Variants in ARHGAP28 observed in about 807,000 individuals in gnomAD.
The protein encoded by ARHGAP28 is rho GTPase-activating protein 28.
Under a neutral mutation model 90.7 loss-of-function variants are expected in ARHGAP28, and 56 were observed. The observed-to-expected ratio is 0.62, with a 90% confidence interval of 0.50 to 0.77. The LOEUF (loss-of-function observed/expected upper bound fraction) is 0.77. Ranked by LOEUF, ARHGAP28 falls within the 30% of genes least tolerant of loss-of-function variation. ARHGAP28 has a pLI of 0.00. For missense variants in ARHGAP28, 869 were observed against 900.9 expected (o/e 0.96, Z 0.45); for synonymous variants, 308 against 323.3 (o/e 0.95, Z 0.51).
intron 1 of ARHGAP28, among the ~76,000 whole-genome samples, chr18:6,818,710 T>TGGGGAGAAAGAAGGTTGC (rs1182742680): frequency 6.6e-6 from 1 of 152,102 alleles, no homozygotes; most frequent in East Asian, 1.9e-4. Flanking sequence ...AGAAATTGCT[T>TGGGGAGAAAGAAGGTTGC]GGGGAGAAAG....
chr18:6,816,416 A>T (rs2056591015), intron 1 of ARHGAP28, among the ~76,000 whole-genome samples: 3 of 152,196 alleles, frequency 2.0e-5, no homozygotes, highest in Admixed American at 1.3e-4. Context: ...GTGGAACTGG[A>T]CTGTGCCAGG....
At chr18:6,759,116 C>T (rs994144981) in intron 1 of ARHGAP28, among the ~76,000 whole-genome samples, 1 of 152,054 alleles carries the variant, frequency 6.6e-6, no homozygotes, top group Non-Finnish European at 1.5e-5. Flanking sequence ...ATTATTTCAC[C>T]GTTGATACCT....
chr18:6,747,681 G>GA (rs1262882737), intron 1 of ARHGAP28, among the ~76,000 whole-genome samples: 9 of 152,250 alleles, frequency 5.9e-5, no homozygotes, highest in African/African-American at 1.9e-4. Flanking sequence ...CTTCCCCACA[G>GA]AAAAAATACC....
At chr18:6,837,078 AT>A (rs2056759350) in intron 2 of ARHGAP28, 118 bp from the exon 3 acceptor site, 8 of 743,988 alleles carry the variant, frequency 1.1e-5, no homozygotes, top group Non-Finnish European at 1.5e-5. Flanking sequence ...GTTCTTTCCC[AT>A]AATTACTGTA....
rs35080791 is a variant in ARHGAP28 at position 6,849,252 on chromosome 18, CAAA to C, written c.544-1761_544-1759del. 4.9e-3 allele frequency among the ~76,000 whole-genome samples: 433 copies of C among 88,218 alleles called. 3 individuals are homozygous for C. The highest frequency in any genetic ancestry group is 0.015 in the African/African-American group (361 of 23,766). 57.9% of individuals were successfully genotyped at this position (88,218 alleles called of 152,430 possible). A position where few individuals can be genotyped will look rare whatever the true frequency, so the allele number is the denominator to read the frequency against. ...CAGACTGGGTGACAAGACCTTGTCT[CAAA>C]AAAAAAAAAAAAAAAAAAAAGTTAA... On this transcript the variant is annotated intron_variant, in intron 3 of 17. Coordinates refer to ENST00000383472, the MANE Select transcript of ARHGAP28 (RefSeq NM_001366230.1).
intron 1 of ARHGAP28, among the ~76,000 whole-genome samples, chr18:6,773,316 A>G (rs1464013737): frequency 6.6e-6 from 1 of 152,166 alleles, no homozygotes; most frequent in Non-Finnish European, 1.5e-5. Context: ...TACATAATGT[A>G]ATTTTGGAGA....
At chr18:6,827,042 T>G (rs996002546) in intron 2 of ARHGAP28, among the ~76,000 whole-genome samples, 10 of 152,140 alleles carry the variant, frequency 6.6e-5, no homozygotes, top group Admixed American at 2.0e-4. Context: ...GGCAGAAGAA[T>G]TTATCTTAGT....
chr18:6,765,599 TAC>T (rs1435286634), intron 1 of ARHGAP28, among the ~76,000 whole-genome samples: 3 of 152,128 alleles, frequency 2.0e-5, no homozygotes, highest in Non-Finnish European at 4.4e-5. Flanking sequence ...TTTGCCTGCT[TAC>T]AGTTTCATTG....
At chr18:6,895,296 T>C (rs1740478851) in intron 15 of ARHGAP28, among the ~76,000 whole-genome samples, 1 of 152,104 alleles carries the variant, frequency 6.6e-6, no homozygotes, top group Non-Finnish European at 1.5e-5. Flanking sequence ...TCCCTCGGTA[T>C]CTTTTCCTGA....
In ARHGAP28 at chr18:6,843,248, G is replaced by A. The variant is rs927508375; in HGVS notation, c.543+5834G>A. Among the ~76,000 whole-genome samples, 5 of 152,162 alleles carry A rather than the reference G, an allele frequency of 3.3e-5. No individual in the cohort carries two copies. The East Asian group carries it at 5.8e-4, about 18-fold the overall frequency. On this transcript the variant is annotated intron_variant, in intron 3 of 17. Coordinates refer to ENST00000383472, the MANE Select transcript of ARHGAP28 (RefSeq NM_001366230.1). ...CTACAACACCCTCACTGGGACAGCC[G>A]CCACTGCCACCGAGGCAGGTGTCAC...
chr18:6,899,478 T>C (rs2057326836), intron 16 of ARHGAP28, among the ~76,000 whole-genome samples: 1 of 152,002 alleles, frequency 6.6e-6, no homozygotes, highest in Admixed American at 6.6e-5. Context: ...GGTAAAGAGG[T>C]GGCCTAACCA....
chr18:6,832,254 G>A (rs1346988551), intron 2 of ARHGAP28, among the ~76,000 whole-genome samples: 2 of 151,814 alleles, frequency 1.3e-5, no homozygotes, highest in African/African-American at 2.4e-5. Flanking sequence ...TGATTTCTAA[G>A]TAAATTGTGT....
In ARHGAP28 at chr18:6,910,991, C is replaced by G. The variant is rs374451605; in HGVS notation, c.2096-1069C>G. Among the ~76,000 whole-genome samples, 485 of 152,004 alleles carry G rather than the reference C, an allele frequency of 3.2e-3. 7 individuals carry two copies. The highest frequency in any genetic ancestry group is 0.011 in the African/African-American group (458 of 41,438). Reference sequence around the variant, plus strand: ...TCCGGAGTAGCTGGGATTACAGGCGCCCATCACCACGCCCGGCTAATTTTG... The same window carrying G: ...TCCGGAGTAGCTGGGATTACAGGCGGCCATCACCACGCCCGGCTAATTTTG... On this transcript the variant is annotated intron_variant, in intron 17 of 17. Coordinates refer to ENST00000383472, the MANE Select transcript of ARHGAP28 (RefSeq NM_001366230.1).
chr18:6,742,169 C>CTTT (rs554288921), intron 1 of ARHGAP28, among the ~76,000 whole-genome samples: 186 of 138,730 alleles, frequency 1.3e-3, no homozygotes, highest in Middle Eastern at 7.4e-3. Context: ...TTTTCTTTTT[C>CTTT]TTTTTTTTTT....
At chr18:6,899,917 T>A (rs2143809627) in intron 16 of ARHGAP28, among the ~76,000 whole-genome samples, 1 of 152,112 alleles carries the variant, frequency 6.6e-6, no homozygotes, top group African/African-American at 2.4e-5. Context: ...GGTTAGGATG[T>A]GGGAACAATT....
intron 6 of ARHGAP28, 98 bp downstream of exon 6, chr18:6,868,332 A>G: frequency 9.4e-7 from 1 of 1,064,494 alleles, no homozygotes; most frequent in Non-Finnish European, 1.4e-6. Flanking sequence ...GCGAAGTATA[A>G]GTGTGCTTTT....
rs113575935 is a variant in ARHGAP28, at chr18:6,876,075, A to G, written c.1213-56A>G. ...TTCATGTCATCATTGTTACTGTTTCATATGTTTATGATCATATAGAGGTAC... is the reference window on the plus strand; with the variant it reads ...TTCATGTCATCATTGTTACTGTTTCGTATGTTTATGATCATATAGAGGTAC... On this transcript the variant is annotated intron_variant, in intron 9 of 17. Coordinates refer to ENST00000383472, the MANE Select transcript of ARHGAP28 (RefSeq NM_001366230.1). 87 of 1,329,510 alleles carry G rather than the reference A, an allele frequency of 6.5e-5. No individual in the cohort carries two copies. The African/African-American group carries it at 7.1e-4, about 11-fold the overall frequency. 82.4% of individuals were successfully genotyped at this position (1,329,510 alleles called of 1,614,324 possible).
At chr18:6,896,809 C>T (rs1014444267) in intron 16 of ARHGAP28, 183 bp downstream of exon 16, 7 of 632,186 alleles carry the variant, frequency 1.1e-5, no homozygotes, top group Admixed American at 1.0e-4. Context: ...TTGCTAACAA[C>T]AAAAGTTGTT....
intron 4 of ARHGAP28, among the ~76,000 whole-genome samples, chr18:6,858,242 A>T (rs1267022084): frequency 6.6e-6 from 1 of 151,982 alleles, no homozygotes; most frequent in African/African-American, 2.4e-5. Context: ...TTTTCTAAAC[A>T]TGTCTTAATT....
Sources: gnomAD v4.1 joint callset for allele counts (sites outside exome capture counted in the v4.1 genomes callset) on GRCh38, gnomAD v4.1.1 for gene constraint, MANE v1.5 for transcripts, NCBI Gene and HGNC (gene_info 2026-07-23, HGNC 2026-07-21) for gene names.